The following LMO7 variants were observed in gnomAD, a reference collection of about 807,000 sequenced individuals.
The protein encoded by LMO7 is LIM domain 7, also known as LIM domain only protein 7.
A neutral mutation model predicts 206.5 loss-of-function variants in LMO7; 120 were observed. The observed-to-expected ratio is 0.58, with a 90% confidence interval of 0.50 to 0.68. LMO7 has a LOEUF of 0.68. Ranked by LOEUF, LMO7 falls within the 30% of genes least tolerant of loss-of-function variation. LMO7 has a pLI of 0.00. For synonymous variants in LMO7, 706 were observed against 681.5 expected, an observed-to-expected ratio of 1.04 and a Z score of -0.56; for missense variants, 1,959 against 1,957.9, an observed-to-expected ratio of 1.00 and a Z score of -0.01.
chr13:75,726,934 G>T, intron 2 of LMO7, 95 bp from the exon 3 acceptor site: 1 of 722,012 alleles, frequency 1.4e-6, no homozygotes. Flanking sequence ...ACACATTGAG[G>T]GGAGGGAATA....
chr13:75,741,709 T>C (rs1031721532), intron 3 of LMO7, among the ~76,000 whole-genome samples: 2 of 152,202 alleles, frequency 1.3e-5, no homozygotes, highest in African/African-American at 4.8e-5. Flanking sequence ...CTCAATAAAC[T>C]AGGTAGAGAA....
chr13:75,627,179 C>T (rs1341242651), intron 2 of LMO7: 1 of 152,084 alleles, frequency 6.6e-6, no homozygotes, highest in Non-Finnish European at 1.5e-5. Flanking sequence ...AAAAGAGATG[C>T]ACATTTAGCC....
chr13:75,804,981 G>C (rs2055253544), intron 8 of LMO7: 2 of 998,386 alleles, frequency 2.0e-6, no homozygotes, highest in Admixed American at 5.7e-5. Context: ...TTCGGACTCT[G>C]AGGATGAACG....
chr13:75,832,279 T>G (rs1016253553), intron 15 of LMO7, among the ~76,000 whole-genome samples: 2 of 152,190 alleles, frequency 1.3e-5, no homozygotes, highest in African/African-American at 4.8e-5. Flanking sequence ...TGGAATTTGT[T>G]GTGTAGTACA....
In LMO7 at chr13:75,806,143, A is replaced by G. The variant is rs914551853; in HGVS notation, c.1196+383A>G. The G allele has an allele frequency of 7.9e-6, 8 of 1,010,352 alleles. No individual in the cohort carries two copies. The African/African-American group carries it at 1.4e-4, about 17-fold the overall frequency. The allele number at this position is 1,010,352 out of a possible 1,614,324, so 62.6% of individuals were successfully genotyped here. On this transcript the variant is annotated intron_variant, in intron 9 of 30. Transcript: ENST00000377534. ...TAGTAGAGCACAAAAAGCAGAGCAT[A>G]GGCTAGACGGCAACTGCCAAAGACC...
chr13:75,776,362 T>C (rs763406425), intron 4 of LMO7, among the ~76,000 whole-genome samples: 26 of 151,248 alleles, frequency 1.7e-4, no homozygotes, highest in Non-Finnish European at 2.7e-4. Context: ...AGGTGCATTG[T>C]TCATTGTTCT....
chr13:75,709,442 T>C (rs7399666), intron 1 of LMO7, among the ~76,000 whole-genome samples: 72,202 of 150,362 alleles, frequency 0.48, 18,980 homozygotes, highest in African/African-American at 0.69. Context: ...TATTTCTCCA[T>C]ATCCTCTCCA....
intron 23 of LMO7, 76 bp downstream of exon 23, chr13:75,841,277 C>G (rs1057194924): frequency 7.8e-6 from 7 of 894,964 alleles, no homozygotes; most frequent in Non-Finnish European, 1.2e-5. Context: ...TCAGGAGACA[C>G]TTCATTTTTC....
In LMO7 at chr13:75,788,452, C is replaced by CAAAAAAA. The variant is rs10638523; in HGVS notation, c.318-6934_318-6928dup. Among the ~76,000 whole-genome samples, 13 of 59,960 alleles carry CAAAAAAA rather than the reference C, an allele frequency of 2.2e-4. 1 individual carries two copies. The highest frequency in any genetic ancestry group is 6.1e-4 in the African/African-American group (9 of 14,804). 39.3% of individuals were successfully genotyped at this position (59,960 alleles called of 152,430 possible). A position where few individuals can be genotyped will look rare whatever the true frequency, so the allele number is the denominator to read the frequency against. ...GGGCAAAAAGAGCAAAACTCTGCCT[C>CAAAAAAA]AAAAAAAAAAAAAAAAAAAAAGCCA... On this transcript the variant is annotated intron_variant, in intron 4 of 30. Coordinates refer to ENST00000377534, the MANE Select transcript of LMO7 (RefSeq NM_001306080.2).
intron 1 of LMO7, among the ~76,000 whole-genome samples, chr13:75,681,857 T>A (rs956294075): frequency 6.6e-6 from 1 of 151,570 alleles, no homozygotes; most frequent in African/African-American, 2.4e-5. Context: ...CATATCTTTT[T>A]ATAGCTGAGT....
chr13:75,625,044 T>A (rs2033846796), intron 2 of LMO7, among the ~76,000 whole-genome samples: 1 of 152,194 alleles, frequency 6.6e-6, no homozygotes, highest in Non-Finnish European at 1.5e-5. Context: ...TAGGAAGTAA[T>A]CATGGCCTTT....
intron 1 of LMO7, among the ~76,000 whole-genome samples, chr13:75,709,700 C>T (rs1003037596): frequency 2.0e-5 from 3 of 152,072 alleles, no homozygotes; most frequent in African/African-American, 7.2e-5. Context: ...TGGATATTAG[C>T]CCTTTGTCAG....
At chr13:75,675,511 T>A (rs1253215386) in intron 1 of LMO7, among the ~76,000 whole-genome samples, 1 of 152,252 alleles carries the variant, frequency 6.6e-6, no homozygotes, top group Non-Finnish European at 1.5e-5. Context: ...TGGGCTTCAT[T>A]TTTTGATGCA....
In LMO7 at chr13:75,727,158, G is replaced by T. The variant is rs566350795; in HGVS notation, c.210+60G>T. On this transcript the variant is annotated intron_variant, in intron 3 of 30. Coordinates refer to ENST00000377534, the MANE Select transcript of LMO7 (RefSeq NM_001306080.2). ...TTGTCTTTGAAATGTAAAGAGGTGG[G>T]CATAGGCAGATTTTTGTATCTGCAA... 3.7e-6 allele frequency: 4 copies of T among 1,089,772 alleles called. No homozygotes were observed. In the Admixed American group the frequency reaches 6.0e-5, roughly 16 times the overall value. 67.5% of individuals were successfully genotyped at this position (1,089,772 alleles called of 1,614,324 possible).
At chr13:75,719,790 G>C (rs2043867742) in intron 2 of LMO7, among the ~76,000 whole-genome samples, 1 of 152,128 alleles carries the variant, frequency 6.6e-6, no homozygotes, top group African/African-American at 2.4e-5. Flanking sequence ...GTGTGAGAAT[G>C]GACTAATACA....
At chr13:75,703,169 C>T (rs921593136) in intron 1 of LMO7, among the ~76,000 whole-genome samples, 47 of 152,270 alleles carry the variant, frequency 3.1e-4, no homozygotes, top group African/African-American at 1.1e-3. Flanking sequence ...CAACACACAC[C>T]TGAAATTTAA....
In LMO7 at chr13:75,676,999, A is replaced by G. The variant is rs180713568; in HGVS notation, c.70-36183A>G. ...ATCCTAGTAGTACAAATTTATTTTG[A>G]ACAACTTTTCTTTTTTAAAAAAAGG... On this transcript the variant is annotated intron_variant, in intron 1 of 30. Transcript: ENST00000377534. Among the ~76,000 whole-genome samples the G allele has an allele frequency of 7.9e-5, 12 of 152,288 alleles. No individual in the cohort carries two copies. The East Asian group carries it at 2.3e-3, about 29-fold the overall frequency.
chr13:75,729,695 T>A (rs1218418334), intron 3 of LMO7, among the ~76,000 whole-genome samples: 5 of 151,562 alleles, frequency 3.3e-5, no homozygotes, highest in East Asian at 1.9e-4. Flanking sequence ...AGGTCATCCC[T>A]GTCTTCTGCC....
At chr13:75,665,687 C>T (rs1286823578) in intron 1 of LMO7, among the ~76,000 whole-genome samples, 3 of 152,080 alleles carry the variant, frequency 2.0e-5, no homozygotes, top group Non-Finnish European at 2.9e-5. Flanking sequence ...CCACCATGCC[C>T]GGCTAATTTT....
Sources: gnomAD v4.1 joint callset for allele counts (sites outside exome capture counted in the v4.1 genomes callset) on GRCh38, gnomAD v4.1.1 for gene constraint, MANE v1.5 for transcripts, NCBI Gene and HGNC (gene_info 2026-07-23, HGNC 2026-07-21) for gene names.